The following CDC42BPA variants were observed in gnomAD, a reference collection of about 807,000 sequenced individuals.
CDC42BPA encodes CDC42 binding protein kinase alpha.
Under a neutral mutation model 223.5 loss-of-function variants are expected in CDC42BPA, and 80 were observed. The ratio of observed to expected loss-of-function variants is 0.36; its 90% CI spans 0.30 to 0.43. The LOEUF is 0.43. CDC42BPA is among the 20% of genes least tolerant of loss of function. The probability of loss-of-function intolerance (pLI) is 1.00; values close to 1 mark genes in which losing one functional copy is unlikely to be tolerated. For synonymous variants in CDC42BPA, 694 were observed against 718.6 expected (o/e 0.97, Z 0.55); for missense variants, 1,743 against 2,099.9 (o/e 0.83, Z 3.32).
In CDC42BPA at chr1:227,292,860, T is replaced by G. The variant is rs182075990; in HGVS notation, c.178+24145A>C. 7.9e-5 allele frequency among the ~76,000 whole-genome samples: 12 copies of G among 152,322 alleles called. No individual in the cohort carries two copies. The East Asian group carries it at 1.5e-3, about 20-fold the overall frequency. On this transcript the variant is annotated intron_variant, in intron 1 of 36. Coordinates refer to ENST00000366766, the MANE Select transcript of CDC42BPA (RefSeq NM_001394014.1). ...ACCTTTGGCCCATATTTCTCTCTCCTGAACATTCTACCTGGATGTTTCCAC... is the reference window on the plus strand; with the variant it reads ...ACCTTTGGCCCATATTTCTCTCTCCGGAACATTCTACCTGGATGTTTCCAC...
At chr1:227,218,820 A>G (rs1675337042) in intron 2 of CDC42BPA, among the ~76,000 whole-genome samples, 1 of 152,234 alleles carries the variant, frequency 6.6e-6, no homozygotes, top group Non-Finnish European at 1.5e-5. Context: ...TTTGTGTTCA[A>G]AATATTTATT....
intron 14 of CDC42BPA, among the ~76,000 whole-genome samples, chr1:227,102,153 T>C (rs2149320192): frequency 6.6e-6 from 1 of 152,184 alleles, no homozygotes; most frequent in Admixed American, 6.5e-5. Context: ...ATAAGGGCAA[T>C]AAAAACTGGT....
At chr1:227,053,775 G>T (rs538642936) in intron 21 of CDC42BPA, among the ~76,000 whole-genome samples, 1 of 152,248 alleles carries the variant, frequency 6.6e-6, no homozygotes, top group African/African-American at 2.4e-5. Flanking sequence ...GACACATTTT[G>T]GCCCAGTTTA....
At chr1:227,279,243 A>G (rs1687630915) in intron 1 of CDC42BPA, among the ~76,000 whole-genome samples, 1 of 152,278 alleles carries the variant, frequency 6.6e-6, no homozygotes, top group East Asian at 1.9e-4. Flanking sequence ...TTTTGAGATA[A>G]TGAAAAATTG....
intron 14 of CDC42BPA, among the ~76,000 whole-genome samples, chr1:227,101,669 C>A (rs1685079074): frequency 6.6e-6 from 1 of 151,694 alleles, no homozygotes; most frequent in Admixed American, 6.6e-5. Flanking sequence ...TTAAAATGGG[C>A]AAAGGAATGG....
At chr1:227,110,683 A>G (rs982557908) in intron 14 of CDC42BPA, among the ~76,000 whole-genome samples, 8 of 152,200 alleles carry the variant, frequency 5.3e-5, no homozygotes, top group African/African-American at 1.9e-4. Context: ...GCAGGCCCTG[A>G]CTGAAAAGTA....
In CDC42BPA at chr1:227,112,317, G is replaced by T; in HGVS notation, c.1996C>A (p.Leu666Met). The change falls in exon 14 of 37, where the codon CTG becomes ATG. Residue 666 changes from leucine (L) to methionine (M), a missense_variant. Transcript: ENST00000366766. ...AATGTGAAGTCAAAAGATACCTTCA[G>T]TCCCTCCAATTCATTTTCCAGTTGC... ...SKQLENELEGLKQKQISYSPG... is the reference protein window; with the variant it reads ...SKQLENELEGMKQKQISYSPG... The T allele has an allele frequency of 6.4e-7, 1 of 1,567,946 alleles. No individual in the cohort carries two copies. The highest frequency in any genetic ancestry group is 8.7e-7 in the Non-Finnish European group (1 of 1,149,408).
intron 11 of CDC42BPA, among the ~76,000 whole-genome samples, chr1:227,123,004 T>C (rs1228320394): frequency 1.3e-5 from 2 of 151,994 alleles, no homozygotes. Flanking sequence ...AGTGAACAAA[T>C]AGAAAAAGCT....
At chr1:227,175,149 G>A (rs957159379) in intron 5 of CDC42BPA, among the ~76,000 whole-genome samples, 5 of 152,124 alleles carry the variant, frequency 3.3e-5, no homozygotes, top group African/African-American at 1.2e-4. Context: ...ATATTTTCGT[G>A]TACATTCCAT....
intron 14 of CDC42BPA, among the ~76,000 whole-genome samples, chr1:227,103,980 A>G (rs1034898928): frequency 1.3e-5 from 2 of 152,130 alleles, no homozygotes; most frequent in Non-Finnish European, 2.9e-5. Context: ...AACAAGATCA[A>G]AATTAAGGGA....
intron 1 of CDC42BPA, among the ~76,000 whole-genome samples, chr1:227,313,695 C>CA (rs751768186): frequency 1.3e-5 from 2 of 151,932 alleles, no homozygotes; most frequent in African/African-American, 4.8e-5. Flanking sequence ...ATGTGAAGAA[C>CA]AAAAGTGTCC....
At chr1:227,145,953 C>T (rs547597154) in intron 7 of CDC42BPA, among the ~76,000 whole-genome samples, 19 of 152,078 alleles carry the variant, frequency 1.2e-4, no homozygotes, top group African/African-American at 4.3e-4. Context: ...ATCATGCATG[C>T]GCTATAGAAA....
intron 5 of CDC42BPA, among the ~76,000 whole-genome samples, chr1:227,173,054 G>A (rs936970916): frequency 2.0e-5 from 3 of 152,176 alleles, no homozygotes; most frequent in Non-Finnish European, 2.9e-5. Flanking sequence ...ATGCTAAATA[G>A]TTCTGTACAA....
At chr1:227,249,335 G>C (rs1400369159) in intron 2 of CDC42BPA, among the ~76,000 whole-genome samples, 3 of 152,118 alleles carry the variant, frequency 2.0e-5, no homozygotes, top group African/African-American at 7.2e-5. Flanking sequence ...ACTACTAAAA[G>C]AAAACATTGG....
chr1:227,145,494 T>A lies in CDC42BPA; in HGVS notation c.1138A>T (p.Asn380Tyr), dbSNP rs147469048. 616 of 1,612,690 alleles carry A rather than the reference T, an allele frequency of 3.8e-4. No homozygotes were observed. Among genetic ancestry groups the A allele is most frequent in the Non-Finnish European group, 4.8e-4 (565 of 1,179,234 alleles). Residue 380 changes from asparagine to tyrosine, a missense_variant, in exon 8 of 37, where the codon AAT (asparagine) becomes TAT (tyrosine). Coordinates refer to ENST00000366766, the MANE Select transcript of CDC42BPA (RefSeq NM_001394014.1). ...CTTCACAGTGTCATACTTACAGAAT[T>A]TTTTAAACAATCATCATCTACATCA... ...NFDVDDDCLKNSETMPPPTHT... is the reference protein window; with the variant it reads ...NFDVDDDCLKYSETMPPPTHT...
chr1:227,309,577 A>G (rs1573004944), intron 1 of CDC42BPA, among the ~76,000 whole-genome samples: 1 of 152,240 alleles, frequency 6.6e-6, no homozygotes, highest in Non-Finnish European at 1.5e-5. Flanking sequence ...TTAACACTGT[A>G]ACAGGATTTT....
At chr1:227,039,566 CT>C (rs1670956486) in intron 24 of CDC42BPA, among the ~76,000 whole-genome samples, 1 of 152,126 alleles carries the variant, frequency 6.6e-6, no homozygotes, top group Non-Finnish European at 1.5e-5. Flanking sequence ...CACATGACCC[CT>C]GACCCTCTCT....
chr1:227,122,518 C>A (rs1688823219), intron 11 of CDC42BPA, among the ~76,000 whole-genome samples: 1 of 152,182 alleles, frequency 6.6e-6, no homozygotes, highest in Non-Finnish European at 1.5e-5. Flanking sequence ...GTTCTCACCA[C>A]AGCCATTTCA....
At chr1:227,074,470 T>C (rs1399801912) in intron 17 of CDC42BPA, 106 bp from the exon 18 acceptor site, 3 of 759,326 alleles carry the variant, frequency 4.0e-6, no homozygotes, top group African/African-American at 1.8e-5. Flanking sequence ...AATTCAAAGA[T>C]AGTCTTAAAT....
Sources: allele counts gnomAD v4.1 joint callset (sites outside exome capture counted in the v4.1 genomes callset), GRCh38; gene constraint gnomAD v4.1.1; transcripts MANE v1.5; gene names NCBI Gene and HGNC (gene_info 2026-07-23, HGNC 2026-07-21).